ANK3: variants seen among roughly 807,000 people sequenced by gnomAD.
The protein encoded by ANK3 is ankyrin-3.
Under a neutral mutation model 370.9 loss-of-function variants are expected in ANK3, and 57 were observed. The ratio of observed to expected loss-of-function variants is 0.15; its 90% CI spans 0.12 to 0.19. The LOEUF (loss-of-function observed/expected upper bound fraction) is 0.19. ANK3 is among the 10% of genes least tolerant of loss of function. ANK3 has a pLI of 1.00. For missense variants in ANK3, 4,439 were observed against 5,302.1 expected (o/e 0.84, Z 5.06); for synonymous variants, 1,929 against 1,946.3 (o/e 0.99, Z 0.23).
At chr10:60,446,811 C>A (rs2064459585) in intron 2 of ANK3, among the ~76,000 whole-genome samples, 1 of 152,072 alleles carries the variant, frequency 6.6e-6, no homozygotes, top group African/African-American at 2.4e-5. Context: ...CCCAAAACTA[C>A]CATAACCAAT....
rs5785463 is a variant in ANK3 at position 60,715,215 on chromosome 10, ATGTGTGTGTGTG to A, written c.57+18036_57+18047del. ...CTATTATATATATTTACATATACAAATGTGTGTGTGTGTGTGTGTGTGTGTGTGTGTATAAAA... is the reference window on the plus strand; with the variant it reads ...CTATTATATATATTTACATATACAAATGTGTGTGTGTGTGTGTGTATAAAA... On this transcript the variant is annotated intron_variant, in intron 1 of 43. Transcript: ENST00000373827. 1.9e-3 allele frequency among the ~76,000 whole-genome samples: 279 copies of A among 147,190 alleles called. 5 individuals carry two copies. Among genetic ancestry groups the A allele is most frequent in the Non-Finnish European group, 6.1e-4 (41 of 67,062 alleles).
At chr10:60,461,183 T>C (rs576318176) in intron 2 of ANK3, among the ~76,000 whole-genome samples, 1 of 152,248 alleles carries the variant, frequency 6.6e-6, no homozygotes, top group South Asian at 2.1e-4. Flanking sequence ...GGCCCTGGTT[T>C]CTGGTCCTTT....
rs2096793058 is a variant in ANK3 at position 60,208,094 on chromosome 10, T to C, written c.1136A>G (p.His379Arg). Residue 379 changes from histidine to arginine, a missense_variant, in exon 10 of 44, where the codon CAT becomes CGT. His to Arg is a conservative substitution (Grantham distance 29). Coordinates refer to ENST00000280772, the MANE Select transcript of ANK3 (RefSeq NM_020987.5). ...TALHVAAHCGHYKVAKVLLDK... is the reference protein window; with the variant it reads ...TALHVAAHCGRYKVAKVLLDK... ...CAAGAGAACCTTGGCAACTTTGTAATGGCCACAGTGGGCAGCCACGTGTAG... is the reference window on the plus strand; with the variant it reads ...CAAGAGAACCTTGGCAACTTTGTAACGGCCACAGTGGGCAGCCACGTGTAG... The C allele has an allele frequency of 1.2e-6, 2 of 1,614,122 alleles. No homozygotes were observed. The highest frequency in any genetic ancestry group is 1.7e-6 in the Non-Finnish European group (2 of 1,179,994).
chr10:60,668,237 G>A (rs1033479365), intron 1 of ANK3, among the ~76,000 whole-genome samples: 6 of 151,416 alleles, frequency 4.0e-5, no homozygotes, highest in Non-Finnish European at 7.4e-5. Context: ...CTCATCAGAC[G>A]AAGGGCTAAC....
chr10:60,141,686 A>G (rs2094577205), intron 23 of ANK3, among the ~76,000 whole-genome samples: 1 of 142,892 alleles, frequency 7.0e-6, no homozygotes, highest in East Asian at 2.1e-4. Context: ...AGTCTTTTAT[A>G]AGAGCACATC....
At position 60,173,001 on chromosome 10, in the gene ANK3, G is replaced by A. The variant is rs757384072; in HGVS notation, c.2284-3C>T. On this transcript the variant is annotated splice_region_variant and splice_polypyrimidine_tract_variant and intron_variant, in intron 19 of 43. Transcript: ENST00000280772. ...TGATGTAATGGCGTATACCCATTCTGTAGAAGGAAGATGGAAGAGATGATT... is the reference window on the plus strand; with the variant it reads ...TGATGTAATGGCGTATACCCATTCTATAGAAGGAAGATGGAAGAGATGATT... 4 of 1,610,132 alleles carry A rather than the reference G, an allele frequency of 2.5e-6. No individual in the cohort carries two copies. Among genetic ancestry groups the A allele is most frequent in the Non-Finnish European group, 3.4e-6 (4 of 1,176,602 alleles).
At chr10:60,336,103 C>A (rs953320065) in intron 1 of ANK3, among the ~76,000 whole-genome samples, 4 of 151,146 alleles carry the variant, frequency 2.6e-5, no homozygotes, top group African/African-American at 9.9e-5. Flanking sequence ...GGGGGGGAAG[C>A]TGGTGCCAAG....
chr10:60,681,655 G>C (rs1196571634), intron 1 of ANK3, among the ~76,000 whole-genome samples: 1 of 152,164 alleles, frequency 6.6e-6, no homozygotes, highest in Admixed American at 6.5e-5. Context: ...CATAGTATAG[G>C]TATCTCCAGT....
At chr10:60,552,268 T>G (rs913005415) in intron 2 of ANK3, among the ~76,000 whole-genome samples, 6 of 152,226 alleles carry the variant, frequency 3.9e-5, no homozygotes, top group African/African-American at 1.4e-4. Context: ...TTCATGTATC[T>G]TCTAGTCTAT....
Position 60,483,310 on chromosome 10 carries a change from C to T in ANK3, c.96+131876G>A, listed in dbSNP as rs184612252. On this transcript the variant is annotated intron_variant, in intron 2 of 43. Coordinates refer to the ANK3 transcript ENST00000373827. ...AAAGAGACTTCTATCTGTAATATCT[C>T]TATTTAAAAACTTTAATTCCAAAAT... Among the ~76,000 whole-genome samples the T allele has an allele frequency of 2.5e-3, 387 of 152,270 alleles. 3 individuals are homozygous for T. The highest frequency in any genetic ancestry group is 9.0e-3 in the African/African-American group (373 of 41,568).
At chr10:60,100,256 T>TTTTTTTG (rs34947048) in intron 28 of ANK3, among the ~76,000 whole-genome samples, 4 of 146,276 alleles carry the variant, frequency 2.7e-5, no homozygotes, top group African/African-American at 1.0e-4. Context: ...TTTTTTTTTT[T>TTTTTTTG]GCACCCCAAC....
chr10:60,610,998 G>A (rs2078193795), intron 2 of ANK3, among the ~76,000 whole-genome samples: 1 of 152,180 alleles, frequency 6.6e-6, no homozygotes, highest in Admixed American at 6.5e-5. Context: ...CTTGTAATGT[G>A]ATAGCTAGAT....
At chr10:60,063,328 G>A in intron 39 of ANK3, 74 bp from the exon 40 acceptor site, 1 of 1,450,170 alleles carries the variant, frequency 6.9e-7, no homozygotes, top group Non-Finnish European at 9.2e-7. Context: ...CTACACAAAG[G>A]CATGGCTTTT....
chr10:60,223,271 T>C (rs1200415452), intron 8 of ANK3, among the ~76,000 whole-genome samples: 1 of 152,226 alleles, frequency 6.6e-6, no homozygotes, highest in East Asian at 1.9e-4. Flanking sequence ...ACATTTCCTC[T>C]TAGTAATTTT....
At chr10:60,544,978 A>T (rs1436333712) in intron 2 of ANK3, among the ~76,000 whole-genome samples, 1 of 88,346 alleles carries the variant, frequency 1.1e-5, no homozygotes, top group Non-Finnish European at 2.4e-5. Flanking sequence ...GTGCCATGTT[A>T]TCTTGGCTAA....
At chr10:60,641,659 A>AC (rs2133351459) in intron 1 of ANK3, among the ~76,000 whole-genome samples, 1 of 152,252 alleles carries the variant, frequency 6.6e-6, no homozygotes, top group African/African-American at 2.4e-5. Context: ...TAAATGTTAG[A>AC]CCTAAAACCA....
intron 27 of ANK3, among the ~76,000 whole-genome samples, chr10:60,107,930 C>T (rs1048352924): frequency 3.9e-5 from 6 of 152,038 alleles, no homozygotes; most frequent in African/African-American, 4.8e-5. Flanking sequence ...TACAAAAGCA[C>T]GAAGTTATGA....
intron 16 of ANK3, among the ~76,000 whole-genome samples, chr10:60,190,652 G>C (rs369818190): frequency 2.0e-5 from 3 of 152,286 alleles, no homozygotes; most frequent in African/African-American, 7.2e-5. Context: ...CCAGTCAACA[G>C]TCTTTGGAGG....
intron 1 of ANK3, among the ~76,000 whole-genome samples, chr10:60,721,485 G>A (rs546834343): frequency 1.4e-4 from 22 of 152,286 alleles, no homozygotes; most frequent in African/African-American, 3.1e-4. Context: ...CCCCTAAGAC[G>A]TTTGGACTTT....
Sources: gnomAD v4.1 joint callset for allele counts (sites outside exome capture counted in the v4.1 genomes callset) on GRCh38, gnomAD v4.1.1 for gene constraint, MANE v1.5 for transcripts, NCBI Gene and HGNC (gene_info 2026-07-23, HGNC 2026-07-21) for gene names.